Variants in LRCH1 observed in about 807,000 individuals in gnomAD.
LRCH1 encodes the protein leucine rich repeats and calponin homology domain containing 1.
In LRCH1, 23 loss-of-function variants were observed where a neutral mutation model predicts 94.9. That is an observed-to-expected ratio of 0.24 (90% CI 0.17 to 0.34). The LOEUF (loss-of-function observed/expected upper bound fraction) is 0.34. LRCH1 is among the 10% of genes least tolerant of loss of function. The pLI, the probability that LRCH1 is intolerant of heterozygous loss-of-function variation, is 1.00. For synonymous variants in LRCH1, 364 were observed against 354.9 expected, an observed-to-expected ratio of 1.03 and a Z score of -0.29; for missense variants, 790 against 945.9, an observed-to-expected ratio of 0.84 and a Z score of 2.16.
intron 11 of LRCH1, among the ~76,000 whole-genome samples, chr13:46,703,908 TA>T (rs1292090232): frequency 1.3e-5 from 2 of 152,068 alleles, no homozygotes; most frequent in East Asian, 3.8e-4. Context: ...GAAGGAAATA[TA>T]TTAAAATGGA....
chr13:46,601,521 AG>A (rs2050628828), intron 1 of LRCH1, among the ~76,000 whole-genome samples: 1 of 152,240 alleles, frequency 6.6e-6, no homozygotes, highest in Non-Finnish European at 1.5e-5. Flanking sequence ...GTGATTTTAA[AG>A]GTTGAGTGAC....
In LRCH1 at chr13:46,573,866, A is replaced by ATATATATATATATATATATATATAT; in HGVS notation, c.307+20164_307+20165insATATATATATATATATATATATATT. Among the ~76,000 whole-genome samples the ATATATATATATATATATATATATAT allele has an allele frequency of 2.0e-3, 128 of 63,322 alleles. 1 individual carries two copies. Among genetic ancestry groups the ATATATATATATATATATATATATAT allele is most frequent in the Non-Finnish European group, 3.1e-3 (99 of 31,530 alleles). The allele number at this position is 63,322 out of a possible 152,430, so 41.5% of individuals were successfully genotyped here. ...GTCAAATATATATATATATATATAT[A>ATATATATATATATATATATATATAT]TTTTTTTTTTTTTTGAGATGGAGTC... On this transcript the variant is annotated intron_variant, in intron 1 of 19. Transcript: ENST00000389797.
At chr13:46,577,438 C>T (rs2050316741) in intron 1 of LRCH1, among the ~76,000 whole-genome samples, 2 of 152,210 alleles carry the variant, frequency 1.3e-5, no homozygotes, top group African/African-American at 2.4e-5. Flanking sequence ...TTAGGTCAGG[C>T]CCACTCAACA....
At chr13:46,642,160 G>C (rs1386622486) in intron 1 of LRCH1, among the ~76,000 whole-genome samples, 1 of 152,216 alleles carries the variant, frequency 6.6e-6, no homozygotes, top group Non-Finnish European at 1.5e-5. Context: ...AAAATTTTAG[G>C]AACCTGGCCA....
chr13:46,560,769 A>T (rs1297725293), intron 1 of LRCH1, among the ~76,000 whole-genome samples: 2 of 152,246 alleles, frequency 1.3e-5, no homozygotes, highest in Non-Finnish European at 2.9e-5. Flanking sequence ...GACTTAATGT[A>T]GGAAAACTAG....
At chr13:46,617,028 C>CTATTTT (rs2050818201) in intron 1 of LRCH1, among the ~76,000 whole-genome samples, 1 of 152,184 alleles carries the variant, frequency 6.6e-6, no homozygotes, top group South Asian at 2.1e-4. Flanking sequence ...TCAGTTAAGG[C>CTATTTT]TATTTTTACT....
At chr13:46,724,085 C>T (rs1275224992) in intron 17 of LRCH1, among the ~76,000 whole-genome samples, 2 of 152,100 alleles carry the variant, frequency 1.3e-5, no homozygotes, top group African/African-American at 4.8e-5. Flanking sequence ...GCCTTCTGGG[C>T]TAAAGTGATC....
intron 1 of LRCH1, among the ~76,000 whole-genome samples, chr13:46,643,772 ATATTTGGAAACC>A (rs1350126431): frequency 1.2e-4 from 18 of 152,210 alleles, no homozygotes; most frequent in African/African-American, 4.3e-4. Flanking sequence ...AGCAAGTCAT[ATATTTGGAAACC>A]TATTAATCAA....
At chr13:46,606,845 G>A (rs1011852600) in intron 1 of LRCH1, among the ~76,000 whole-genome samples, 1 of 152,120 alleles carries the variant, frequency 6.6e-6, no homozygotes, top group East Asian at 1.9e-4. Flanking sequence ...TAGGATTACA[G>A]GTGTGAGCCA....
chr13:46,657,401 T>TTTAA (rs201530694), intron 2 of LRCH1, among the ~76,000 whole-genome samples: 1 of 148,688 alleles, frequency 6.7e-6, no homozygotes, highest in Non-Finnish European at 1.5e-5. Context: ...TTTTTTTTTT[T>TTTAA]AAAACATACA....
chr13:46,646,060 A>G (rs1315170998), intron 1 of LRCH1, among the ~76,000 whole-genome samples: 1 of 152,230 alleles, frequency 6.6e-6, no homozygotes, highest in South Asian at 2.1e-4. Flanking sequence ...TATGTCTAGT[A>G]AAGTGTTTCA....
chr13:46,603,332 CTCTGTCAGCCCCATTCTCTT>C (rs907513310), intron 1 of LRCH1, among the ~76,000 whole-genome samples: 11 of 152,198 alleles, frequency 7.2e-5, no homozygotes, highest in East Asian at 1.9e-4. Context: ...TCCCTGAAAT[CTCTGTCAGCCCCATTCTCTT>C]TCTGTCAGCC....
chr13:46,688,069 A>C (rs188712686), intron 6 of LRCH1, 90 bp downstream of exon 6: 1 of 1,332,508 alleles, frequency 7.5e-7, no homozygotes, highest in African/African-American at 1.5e-5. Context: ...GTTTGTTTTA[A>C]GTCACCATGG....
chr13:46,553,342 A>C lies in LRCH1; in HGVS notation c.-55A>C. The C allele has an allele frequency of 3.6e-6, 5 of 1,387,126 alleles. No homozygotes were observed. The highest frequency in any genetic ancestry group is 3.9e-6 in the Non-Finnish European group (4 of 1,030,604). 85.9% of individuals were successfully genotyped at this position (1,387,126 alleles called of 1,614,324 possible). ...AGCTGCCGTTTTCCCCTCGCGGGGA[A>C]CGCTGTGACCCCCCCGCAGGAGCGG... On this transcript the variant is annotated 5_prime_UTR_variant, in exon 1 of 20. Transcript: ENST00000389797.
intron 3 of LRCH1, among the ~76,000 whole-genome samples, chr13:46,671,633 C>T (rs1040646560): frequency 1.3e-5 from 2 of 152,182 alleles, no homozygotes; most frequent in East Asian, 1.9e-4. Flanking sequence ...ATGAAAGTGA[C>T]GGTCATATGC....
Position 46,553,749 on chromosome 13 carries a change from G to A in LRCH1, c.307+46G>A, listed in dbSNP as rs778699753. 1.4e-5 allele frequency: 22 copies of A among 1,591,550 alleles called. No homozygotes were observed. In the South Asian group the frequency reaches 2.4e-4, roughly 17 times the overall value. ...GGGCAGGGGTGTGGGTGCTGTCTGG[G>A]TGTCTGTCGTGCGTTCCCTAACGCG... On this transcript the variant is annotated intron_variant, in intron 1 of 19. Coordinates refer to ENST00000389797, the MANE Select transcript of LRCH1 (RefSeq NM_001164211.2).
At chr13:46,583,463 T>C (rs917962474) in intron 1 of LRCH1, among the ~76,000 whole-genome samples, 1 of 152,216 alleles carries the variant, frequency 6.6e-6, no homozygotes, top group Non-Finnish European at 1.5e-5. Context: ...GCACACCTAT[T>C]CTCTTGCTCT....
chr13:46,703,753 A>G (rs1253321965), intron 11 of LRCH1, among the ~76,000 whole-genome samples: 2 of 152,174 alleles, frequency 1.3e-5, no homozygotes, highest in East Asian at 1.9e-4. Flanking sequence ...TTAAAAAAGT[A>G]TATAACTTTT....
rs1873766434 is a variant in LRCH1 at position 46,743,457 on chromosome 13, TGAATAACCCA to T, written c.*1610_*1619del. On this transcript the variant is annotated 3_prime_UTR_variant, in exon 20 of 20. Transcript: ENST00000389797. ...TTATCTAATTAACCTCAGTTGTATATGAATAACCCACAGATGTACTGAATTACTTTTGGTG... is the reference window on the plus strand; with the variant it reads ...TTATCTAATTAACCTCAGTTGTATATCAGATGTACTGAATTACTTTTGGTG... 1.4e-5 allele frequency: 14 copies of T among 985,772 alleles called. No homozygotes were observed. The highest frequency in any genetic ancestry group is 1.7e-5 in the Non-Finnish European group (14 of 829,946). The allele number at this position is 985,772 out of a possible 1,614,324, so 61.1% of individuals were successfully genotyped here. A position where few individuals can be genotyped will look rare whatever the true frequency, so the allele number is the denominator to read the frequency against.
Sources: allele counts gnomAD v4.1 joint callset (sites outside exome capture counted in the v4.1 genomes callset), GRCh38; gene constraint gnomAD v4.1.1; transcripts MANE v1.5; gene names NCBI Gene and HGNC (gene_info 2026-07-23, HGNC 2026-07-21).